The following SLC13A4 variants were observed in gnomAD, a reference collection of about 807,000 sequenced individuals.
SLC13A4 encodes the protein solute carrier family 13 member 4.
Under a neutral mutation model 72.7 loss-of-function variants are expected in SLC13A4, and 28 were observed. The observed-to-expected ratio is 0.39, with a 90% CI of 0.29 to 0.53. The LOEUF (loss-of-function observed/expected upper bound fraction) is 0.53, where lower values mean the gene tolerates loss of function less well. Among genes scored for constraint, SLC13A4 ranks in the 20% least tolerant of loss-of-function variants. The pLI, the probability that SLC13A4 is intolerant of heterozygous loss-of-function variation, is 0.78. For synonymous variants in SLC13A4, 312 were observed against 325.5 expected (o/e 0.96, Z 0.45); for missense variants, 653 against 788.0 (o/e 0.83, Z 2.05).
intron 2 of SLC13A4, among the ~76,000 whole-genome samples, chr7:135,715,188 AGTGT>A (rs1228158819): frequency 4.4e-4 from 65 of 148,582 alleles, no homozygotes; most frequent in Non-Finnish European, 7.4e-5. Flanking sequence ...TGGGTATATA[AGTGT>A]GTATGAGTGT....
In SLC13A4 at chr7:135,710,217, A is replaced by G. The variant is rs185933848; in HGVS notation, c.229-1967T>C. Reference sequence around the variant, plus strand: ...ACATAGCATTTGAAATAATATGTACATGATCATACTAATTTTGATTATTGA... The same window carrying G: ...ACATAGCATTTGAAATAATATGTACGTGATCATACTAATTTTGATTATTGA... On this transcript the variant is annotated intron_variant, in intron 2 of 15. Coordinates refer to ENST00000682651, the MANE Select transcript of SLC13A4 (RefSeq NM_001318192.2). Among the ~76,000 whole-genome samples the G allele has an allele frequency of 1.2e-4, 18 of 152,360 alleles. 1 individual carries two copies. Among genetic ancestry groups the G allele is most frequent in the South Asian group, 1.0e-3 (5 of 4,830 alleles).
chr7:135,695,417 T>C lies in SLC13A4; in HGVS notation c.970A>G (p.Met324Val). 1 of 1,614,096 alleles carries C rather than the reference T, an allele frequency of 6.2e-7. No individual in the cohort carries two copies. The highest frequency in any genetic ancestry group is 1.7e-5 in the Admixed American group (1 of 60,020). ...FLFSFPISLI[M>V]LVVSWFWMHW... The stretch of plus-strand genomic sequence containing the variant: ...ATCCAGAACCAGCTGACCACCAGCA[T>C]GATGAGGGATATGGGGAAGCTGAAG... Residue 324 changes from methionine (M) to valine (V), a missense_variant, in exon 9 of 16, where the codon ATG becomes GTG. Transcript: ENST00000682651.
chr7:135,723,319 G>C (rs1796585585), intron 1 of SLC13A4, among the ~76,000 whole-genome samples: 1 of 152,146 alleles, frequency 6.6e-6, no homozygotes, highest in Non-Finnish European at 1.5e-5. Flanking sequence ...GGGGTGCACA[G>C]GGTAATTAAG....
chr7:135,703,194 A>G (rs923920666), intron 5 of SLC13A4: 4 of 370,470 alleles, frequency 1.1e-5, no homozygotes, highest in Non-Finnish European at 2.0e-5. Flanking sequence ...TTTAACCCCC[A>G]GACATTGTTA....
At chr7:135,697,575 A>G (rs1202138369) in intron 8 of SLC13A4, among the ~76,000 whole-genome samples, 1 of 147,484 alleles carries the variant, frequency 6.8e-6, no homozygotes, top group Non-Finnish European at 1.5e-5. Context: ...TCTCCTTTCC[A>G]ATCTGTTCTC....
chr7:135,721,988 C>A (rs1215871566), intron 1 of SLC13A4, among the ~76,000 whole-genome samples: 1 of 152,156 alleles, frequency 6.6e-6, no homozygotes, highest in Non-Finnish European at 1.5e-5. Flanking sequence ...CACTTGTAAT[C>A]CCAGGACTTT....
intron 7 of SLC13A4, 107 bp from the exon 8 acceptor site, chr7:135,699,655 T>G: frequency 1.1e-6 from 1 of 919,348 alleles, no homozygotes. Flanking sequence ...TGAGCTTGGG[T>G]GTCAGAAAGA....
intron 1 of SLC13A4, among the ~76,000 whole-genome samples, chr7:135,726,204 G>A (rs1796653696): frequency 6.6e-6 from 1 of 151,834 alleles, no homozygotes; most frequent in Non-Finnish European, 1.5e-5. Flanking sequence ...GCCACAAAAA[G>A]AAAAAAAATC....
rs1795879216 is a variant in SLC13A4 at position 135,695,441 on chromosome 7, A to G, written c.946T>C (p.Phe316Leu). The G allele has an allele frequency of 1.2e-6, 2 of 1,614,214 alleles. No individual in the cohort carries two copies. Among genetic ancestry groups the G allele is most frequent in the Non-Finnish European group, 1.7e-6 (2 of 1,180,006 alleles). ...EVVNFGTWFL[F>L]SFPISLIMLV... ...ATGATGAGGGATATGGGGAAGCTGA[A>G]GAGGAACCAGGTGCCAAAGTTCACC... is the stretch of plus-strand genomic sequence containing the variant. The change falls in exon 9 of 16, where the codon TTC (phenylalanine) becomes CTC (leucine). Residue 316 changes from phenylalanine (F) to leucine (L), a missense_variant. Coordinates refer to ENST00000682651, the MANE Select transcript of SLC13A4 (RefSeq NM_001318192.2).
At chr7:135,701,147 T>C (rs557450208) in intron 7 of SLC13A4, among the ~76,000 whole-genome samples, 1 of 152,216 alleles carries the variant, frequency 6.6e-6, no homozygotes. Context: ...GATTGATACA[T>C]AATAAGCATT....
chr7:135,692,216 G>A (rs1055556707), intron 11 of SLC13A4, 107 bp downstream of exon 11: 13 of 821,218 alleles, frequency 1.6e-5, no homozygotes, highest in African/African-American at 1.5e-4. Flanking sequence ...GATTTCCTGG[G>A]GAATGAAATC....
At chr7:135,713,181 A>C (rs372703758) in intron 2 of SLC13A4, among the ~76,000 whole-genome samples, 1 of 152,158 alleles carries the variant, frequency 6.6e-6, no homozygotes. Context: ...TTGTAAAGAG[A>C]AATTAGATTC....
intron 3 of SLC13A4, among the ~76,000 whole-genome samples, chr7:135,707,192 T>A (rs1297849664): frequency 6.6e-6 from 1 of 151,874 alleles, no homozygotes; most frequent in Non-Finnish European, 1.5e-5. Flanking sequence ...GGAGTGGAAA[T>A]GTGAGAGGAT....
At chr7:135,709,425 TAAAAAAAA>T (rs67676992) in intron 2 of SLC13A4, among the ~76,000 whole-genome samples, 2 of 147,388 alleles carry the variant, frequency 1.4e-5, no homozygotes, top group African/African-American at 5.0e-5. Flanking sequence ...CTTTTTTTTT[TAAAAAAAA>T]ATTTGAGACA....
chr7:135,705,701 C>A, intron 4 of SLC13A4, 51 bp from the exon 5 acceptor site: 1 of 1,555,402 alleles, frequency 6.4e-7, no homozygotes, highest in Non-Finnish European at 8.9e-7. Context: ...CTGGGGCTGA[C>A]CCTGTGGGTT....
chr7:135,705,929 A>G, intron 4 of SLC13A4, 199 bp downstream of exon 4: 1 of 565,868 alleles, frequency 1.8e-6, no homozygotes, highest in Non-Finnish European at 3.1e-6. Context: ...GAGCCAGAAC[A>G]GGGAGTTCAG....
chr7:135,722,678 C>T (rs1021351374), intron 1 of SLC13A4, among the ~76,000 whole-genome samples: 3 of 151,956 alleles, frequency 2.0e-5, no homozygotes, highest in African/African-American at 7.3e-5. Context: ...CAACTTGATT[C>T]AGTAGTAAAT....
intron 1 of SLC13A4, 26 bp downstream of exon 1, chr7:135,727,372 C>G (rs1257494993): frequency 1.3e-6 from 2 of 1,546,082 alleles, no homozygotes; most frequent in Non-Finnish European, 1.7e-6. Context: ...CTCCCAGACC[C>G]CCGGTGGGCG....
intron 1 of SLC13A4, among the ~76,000 whole-genome samples, chr7:135,726,422 T>A (rs1350960820): frequency 6.6e-6 from 1 of 152,176 alleles, no homozygotes; most frequent in African/African-American, 2.4e-5. Context: ...TAATCTTGGT[T>A]ACCAAGTTAC....
Sources: gnomAD v4.1 joint callset for allele counts (sites outside exome capture counted in the v4.1 genomes callset) on GRCh38, gnomAD v4.1.1 for gene constraint, MANE v1.5 for transcripts, NCBI Gene and HGNC (gene_info 2026-07-23, HGNC 2026-07-21) for gene names.